EEF2: variants seen among roughly 807,000 people sequenced by gnomAD.
EEF2 encodes elongation factor 2.
In EEF2, 21 loss-of-function variants were observed where a neutral mutation model predicts 85.3. The observed-to-expected ratio is 0.25, with a 90% confidence interval of 0.17 to 0.35. The LOEUF (loss-of-function observed/expected upper bound fraction) is 0.35. Ranked by LOEUF, EEF2 falls within the 10% of genes least tolerant of loss-of-function variation. The pLI is 1.00. For missense variants in EEF2, 825 were observed against 1,225.3 expected (o/e 0.67, Z 4.88); for synonymous variants, 723 against 508.8 (o/e 1.42, Z -5.67).
chr19:3,981,965 G>A lies in EEF2; in HGVS notation c.879C>T (p.Ile293=), dbSNP rs747537951. 20 of 1,614,016 alleles carry A rather than the reference G, an allele frequency of 1.2e-5. No individual in the cohort carries two copies. In the South Asian group the frequency reaches 1.9e-4, roughly 15 times the overall value. ...KKLPRTFCQL[I]LDPIFKVFDA... ...CACTCACCTTGAAGATGGGGTCCAG[G>A]ATCAGCTGGCAGAAGGTGCGTGGCA... The change falls in exon 6 of 15, where the codon ATC becomes ATT. Residue 293 remains isoleucine, a synonymous_variant. Transcript: ENST00000309311.
rs2039677826 is a variant in EEF2, at chr19:3,976,203, G to A, written c.*351C>T. 3.7e-6 allele frequency: 1 copy of A among 271,394 alleles called. No homozygotes were observed. The highest frequency in any genetic ancestry group is 5.0e-5 in the Admixed American group (1 of 19,934). The allele number at this position is 271,394 out of a possible 1,614,324, so 16.8% of individuals were successfully genotyped here. On this transcript the variant is annotated 3_prime_UTR_variant, in exon 15 of 15. Transcript: ENST00000309311. ...TGGGGCAAAAGCCACTGCGGGCCATGTACCCAAATAAACCTCTTAATGCGT... is the reference window on the plus strand; with the variant it reads ...TGGGGCAAAAGCCACTGCGGGCCATATACCCAAATAAACCTCTTAATGCGT...
chr19:3,984,144 G>A lies in EEF2; in HGVS notation c.210C>T (p.Ile70=), dbSNP rs771555087. 2.8e-5 allele frequency: 45 copies of A among 1,613,714 alleles called. No individual in the cohort carries two copies. The East Asian group carries it at 9.6e-4, about 34-fold the overall frequency. Residue 70 remains isoleucine, a synonymous_variant, in exon 2 of 15, where the codon ATC becomes ATT. Transcript: ENST00000309311. The part of the protein sequence containing the change: ...RKDEQERCIT[I]KSTAISLFYE... ...GGGCACAGGGAGCTCACGTTGACTT[G>A]ATGGTGATGCAACGCTCCTGCTCGT...
intron 4 of EEF2, 120 bp from the exon 5 acceptor site, chr19:3,982,544 A>G (rs1470392316): frequency 7.5e-7 from 1 of 1,334,570 alleles, no homozygotes; most frequent in Non-Finnish European, 1.1e-6. Context: ...CATCTGGTCA[A>G]AGTGAAGAAA....
In EEF2 at chr19:3,982,642, C is replaced by T. The variant is rs2039768628; in HGVS notation, c.612+165G>A. 4.5e-6 allele frequency: 5 copies of T among 1,104,078 alleles called. No individual in the cohort carries two copies. In the Admixed American group the frequency reaches 5.8e-5, roughly 13 times the overall value. 68.4% of individuals were successfully genotyped at this position (1,104,078 alleles called of 1,614,324 possible). The stretch of plus-strand genomic sequence containing the variant: ...TCGTCTCTTCCAGCTGCCCAAAGAT[C>T]AAGGGCTGGGTCAAGTCGGATGAAA... On this transcript the variant is annotated intron_variant, in intron 4 of 14. Coordinates refer to ENST00000309311, the MANE Select transcript of EEF2 (RefSeq NM_001961.4).
chr19:3,985,453 C>A lies in EEF2; in HGVS notation c.-73G>T. ...GTCGCGCCGAGGATGGCGGCGACGACGGCGGAAGAGAACGCTGACGTCAAC... is the reference window on the plus strand; with the variant it reads ...GTCGCGCCGAGGATGGCGGCGACGAAGGCGGAAGAGAACGCTGACGTCAAC... On this transcript the variant is annotated 5_prime_UTR_variant, in exon 1 of 15. Transcript: ENST00000309311. 7.1e-7 allele frequency: 1 copy of A among 1,416,888 alleles called. No individual in the cohort carries two copies. 87.8% of individuals were successfully genotyped at this position (1,416,888 alleles called of 1,614,324 possible).
Position 3,976,421 on chromosome 19 carries a change from A to G in EEF2, c.*133T>C. 1.0e-6 allele frequency: 1 copy of G among 956,356 alleles called. No homozygotes were observed. The highest frequency in any genetic ancestry group is 3.3e-4 in the Middle Eastern group (1 of 3,024). 59.2% of individuals were successfully genotyped at this position (956,356 alleles called of 1,614,324 possible). On this transcript the variant is annotated 3_prime_UTR_variant, in exon 15 of 15. Coordinates refer to ENST00000309311, the MANE Select transcript of EEF2 (RefSeq NM_001961.4). ...GTGTTATGGTTGAGTGATGGCACGC[A>G]GCGGGCCCCAGAAACCTCTCAGGGG...
At chr19:3,983,835 C>A (rs1359306909) in intron 2 of EEF2, 3 of 455,146 alleles carry the variant, frequency 6.6e-6, no homozygotes, top group African/African-American at 5.9e-5. Flanking sequence ...GAACACCCTC[C>A]CCTCCCAGGT....
At chr19:3,980,388 C>T in intron 9 of EEF2, 126 bp downstream of exon 9, 1 of 1,242,806 alleles carries the variant, frequency 8.0e-7, no homozygotes, top group Non-Finnish European at 1.1e-6. Context: ...TTGTGGCTGG[C>T]ACAAGTATCA....
chr19:3,980,937 G>A lies in EEF2; in HGVS notation c.1054C>T (p.Gln352Ter). The A allele has an allele frequency of 6.4e-7, 1 of 1,572,990 alleles. No homozygotes were observed. Among genetic ancestry groups the A allele is most frequent in the Non-Finnish European group, 8.6e-7 (1 of 1,160,110 alleles). The change falls in exon 8 of 15, where the codon CAG becomes TAG. Residue 352 changes from glutamine to a stop codon, truncating the protein, a stop_gained. Transcript: ENST00000309311. LOFTEE classifies it high-confidence loss of function. ...RWLPAGDALLQMITIHLPSPV... is the reference protein window; with the variant it reads ...RWLPAGDALL ...GAGGGCAGGTGGATGGTGATCATCT[G>A]CAACAAGGCGTCTCCGGCAGGCAGC... is the stretch of plus-strand genomic sequence containing the variant.
intron 7 of EEF2, 102 bp downstream of exon 7, chr19:3,981,237 C>A: frequency 8.2e-7 from 1 of 1,220,614 alleles, no homozygotes; most frequent in Non-Finnish European, 1.2e-6. Context: ...AGCAGCTGTC[C>A]CTGCCCAGCT....
chr19:3,978,405 A>G (rs16992160), intron 11 of EEF2, among the ~76,000 whole-genome samples: 319 of 152,278 alleles, frequency 2.1e-3, no homozygotes, highest in African/African-American at 7.2e-3. Context: ...GGCTTGTGGA[A>G]TTTTAAGCAT....
At position 3,977,900 on chromosome 19, in the gene EEF2, G is replaced by A. The variant is rs2039697299; in HGVS notation, c.1986C>T (p.Leu662=). ...FGPDGTGPNI[L]TDITKGVQYL... ...ACTGCACACCCTTGGTGATGTCGGTGAGGATGTTGGGGCCGGTGCCGTCGG... is the reference window on the plus strand; with the variant it reads ...ACTGCACACCCTTGGTGATGTCGGTAAGGATGTTGGGGCCGGTGCCGTCGG... The change falls in exon 12 of 15, where the codon CTC becomes CTT. Residue 662 remains leucine, a synonymous_variant. Transcript: ENST00000309311. This position sits in a 1 kb window ranked among gnomAD's most constrained non-coding sequence, Gnocchi z 5.4. The A allele has an allele frequency of 1.2e-6, 2 of 1,613,730 alleles. No individual in the cohort carries two copies.
intron 7 of EEF2, among the ~76,000 whole-genome samples, 157 bp downstream of exon 7, chr19:3,981,182 T>C (rs2039741284): frequency 1.3e-5 from 2 of 152,232 alleles, no homozygotes; most frequent in Non-Finnish European, 2.9e-5. Flanking sequence ...GGCTGGCTGC[T>C]GGGATGTGTC....
chr19:3,985,334 G>T (rs1015766557), intron 1 of EEF2, 44 bp downstream of exon 1: 10 of 1,438,796 alleles, frequency 7.0e-6, no homozygotes, highest in Middle Eastern at 1.8e-4. Context: ...CCCCGCGGAG[G>T]CCCCGCCGCC....
chr19:3,979,598 A>C (rs2039720395), intron 10 of EEF2, 162 bp from the exon 11 acceptor site: 1 of 936,772 alleles, frequency 1.1e-6, no homozygotes, highest in African/African-American at 1.7e-5. Context: ...GTTAAGTCCC[A>C]CAAGCTACAG....
chr19:3,983,096 G>GTTA lies in EEF2; in HGVS notation c.400+13_400+14insTAA, dbSNP rs775448426. Reference sequence around the variant, plus strand: ...CCGGTTCCAGGCCGTGCCTCAGGGGGACCCACTGCTTACCTGACACGCAGT... The same window carrying GTTA: ...CCGGTTCCAGGCCGTGCCTCAGGGGGTTAACCCACTGCTTACCTGACACGCAGT... On this transcript the variant is annotated intron_variant, in intron 3 of 14. Transcript: ENST00000309311. 6.2e-7 allele frequency: 1 copy of GTTA among 1,612,832 alleles called. No individual in the cohort carries two copies. Among genetic ancestry groups the GTTA allele is most frequent in the Non-Finnish European group, 8.5e-7 (1 of 1,179,054 alleles).
In EEF2 at chr19:3,982,444, G is replaced by A. The variant is rs529744019; in HGVS notation, c.613-20C>T. On this transcript the variant is annotated intron_variant, in intron 4 of 14. Transcript: ENST00000309311. ...ATCGATCTGGAAGTGTGAGAAACGA[G>A]AAGCAGCCGTGAGGGCCCCTGCGCA... The A allele has an allele frequency of 1.4e-5, 22 of 1,613,758 alleles. No individual in the cohort carries two copies. In the Admixed American group the frequency reaches 3.5e-4, roughly 26 times the overall value.
At chr19:3,983,972 C>T in intron 2 of EEF2, 164 bp downstream of exon 2, 1 of 733,892 alleles carries the variant, frequency 1.4e-6, no homozygotes, top group Non-Finnish European at 2.2e-6. Flanking sequence ...CCCTGTGCCT[C>T]TCCATCCTGT....
At chr19:3,984,422 C>A in intron 1 of EEF2, 72 bp from the exon 2 acceptor site, 1 of 1,514,432 alleles carries the variant, frequency 6.6e-7, no homozygotes, top group Non-Finnish European at 9.1e-7. Flanking sequence ...GCGTTCAGTC[C>A]AAACGAACCA....
Sources: gnomAD v4.1 joint callset for allele counts (sites outside exome capture counted in the v4.1 genomes callset) on GRCh38, gnomAD v4.1.1 for gene constraint, Gnocchi (gnomAD v3.1) non-coding constraint, MANE v1.5 for transcripts, NCBI Gene and HGNC (gene_info 2026-07-23, HGNC 2026-07-21) for gene names.